The following DSE variants were observed in gnomAD, a reference collection of about 807,000 sequenced individuals.
DSE encodes dermatan-sulfate epimerase.
DSE carries 36 observed loss-of-function variants against 84.4 expected under a neutral mutation model. That is an observed-to-expected ratio of 0.43 (90% CI 0.33 to 0.56). The LOEUF is 0.56. Among genes scored for constraint, DSE ranks in the 20% least tolerant of loss-of-function variants. The pLI, the probability that DSE is intolerant of heterozygous loss-of-function variation, is 0.06. For missense variants in DSE, 862 were observed against 1,169.6 expected, an observed-to-expected ratio of 0.74 and a Z score of 3.84; for synonymous variants, 410 against 430.1, an observed-to-expected ratio of 0.95 and a Z score of 0.58.
chr6:116,369,782 A>G (rs991088099), upstream of DSE: 13 of 570,472 alleles, frequency 2.3e-5, no homozygotes, highest in Non-Finnish European at 3.7e-5. Flanking sequence ...AAAGAGAAGC[A>G]TAAACTGAGA....
At chr6:116,322,129 C>T (rs12214926) in intron 2 of DSE, among the ~76,000 whole-genome samples, 35,681 of 151,944 alleles carry the variant, frequency 0.23, 5,633 homozygotes, top group Non-Finnish European at 0.36. Context: ...GCAGGGGGTA[C>T]GTGACTGGGA....
At chr6:116,261,710 A>C (rs1192453494) in intron 2 of DSE, among the ~76,000 whole-genome samples, 1 of 152,102 alleles carries the variant, frequency 6.6e-6, no homozygotes, top group Non-Finnish European at 1.5e-5. Context: ...GCTTTTGCCT[A>C]TTCATTATGA....
intron 2 of DSE, among the ~76,000 whole-genome samples, chr6:116,304,792 A>G (rs1286227299): frequency 6.6e-6 from 1 of 152,196 alleles, no homozygotes; most frequent in Non-Finnish European, 1.5e-5. Context: ...TCATCTGCCT[A>G]GAATGAAACT....
chr6:116,406,671 T>G (rs945881515), intron 2 of DSE, among the ~76,000 whole-genome samples: 1 of 152,266 alleles, frequency 6.6e-6, no homozygotes, highest in Admixed American at 6.5e-5. Context: ...GTAGTTCCTT[T>G]TACCTTAGGT....
chr6:116,377,287 CT>C (rs1240394218), intron 1 of DSE, among the ~76,000 whole-genome samples: 1 of 152,156 alleles, frequency 6.6e-6, no homozygotes, highest in Non-Finnish European at 1.5e-5. Context: ...TCAGTACTTC[CT>C]AACTTTTAAA....
At chr6:116,419,483 A>C (rs1419754665) in intron 2 of DSE, among the ~76,000 whole-genome samples, 1 of 152,230 alleles carries the variant, frequency 6.6e-6, no homozygotes, top group African/African-American at 2.4e-5. Context: ...TACTGTGTTC[A>C]GGAGACTTTT....
At chr6:116,264,950 G>A (rs1772558174) in intron 2 of DSE, among the ~76,000 whole-genome samples, 1 of 152,124 alleles carries the variant, frequency 6.6e-6, no homozygotes, top group Non-Finnish European at 1.5e-5. Context: ...ACTGTGTTGG[G>A]GGAACTGAGG....
rs771332811 is a variant in DSE, at chr6:116,436,950, C to G, written c.2482C>G (p.Gln828Glu). ...FVDAVPDIFA[Q>E]IEVNEKKIRQ... ...GGATGCTGTCCCTGATATTTTTGCA[C>G]AGATTGAAGTCAATGAGAAAAAGAT... Residue 828 changes from glutamine (Q) to glutamate (E), a missense_variant, in exon 6 of 6, where the codon CAG (glutamine) becomes GAG (glutamate). By Grantham distance (29) the Gln-to-Glu change is conservative. This residue lies in a region of DSE where 315 missense variants were observed against 348.1 expected (regional missense o/e 0.90). Transcript: ENST00000644252. 6.2e-6 allele frequency: 10 copies of G among 1,613,860 alleles called. No homozygotes were observed. Among genetic ancestry groups the G allele is most frequent in the Admixed American group, 3.3e-5 (2 of 59,984 alleles).
At chr6:116,382,757 G>T (rs950527522) in intron 1 of DSE, among the ~76,000 whole-genome samples, 5 of 152,126 alleles carry the variant, frequency 3.3e-5, no homozygotes, top group African/African-American at 1.2e-4. Context: ...GAGTAGGTAT[G>T]CAGCTGTGTG....
At chr6:116,282,344 C>T (rs758548171) in intron 2 of DSE, among the ~76,000 whole-genome samples, 39 of 152,210 alleles carry the variant, frequency 2.6e-4, no homozygotes, top group Middle Eastern at 6.8e-3. Context: ...TTCTATTATT[C>T]CAATATGTCT....
rs1784524013 is a variant in DSE at position 116,444,581 on chromosome 6, A to G, written c.*7236A>G. 2 of 152,210 alleles carry G rather than the reference A, an allele frequency of 1.3e-5. No homozygotes were observed. The allele number at this position is 152,210 out of a possible 1,614,324, so 9.4% of individuals were successfully genotyped here. On this transcript the variant is annotated 3_prime_UTR_variant, in exon 6 of 6. Coordinates refer to ENST00000644252, the MANE Select transcript of DSE (RefSeq NM_013352.4). ...ATGTTTGCCTCCTCTCAAAATTAAT[A>G]TGTTGAAACCTAATCCTTAATGTGA...
intron 1 of DSE, chr6:116,256,239 C>T (rs576128588): frequency 4.6e-5 from 7 of 152,304 alleles, no homozygotes; most frequent in East Asian, 1.9e-4. Context: ...AGTACAGTTA[C>T]GTTTCACTGA....
chr6:116,341,991 A>G (rs903236006), intron 2 of DSE, among the ~76,000 whole-genome samples: 2 of 152,160 alleles, frequency 1.3e-5, no homozygotes, highest in Admixed American at 1.3e-4. Context: ...TTTTGGTTCC[A>G]ATATGTTAAT....
intron 2 of DSE, among the ~76,000 whole-genome samples, chr6:116,322,124 G>C (rs1468171469): frequency 6.6e-6 from 1 of 152,082 alleles, no homozygotes; most frequent in Admixed American, 6.5e-5. Flanking sequence ...AGCAAGCAGG[G>C]GGTACGTGAC....
chr6:116,336,534 T>A (rs922465753), intron 2 of DSE, among the ~76,000 whole-genome samples: 3 of 152,180 alleles, frequency 2.0e-5, no homozygotes, highest in Non-Finnish European at 4.4e-5. Context: ...GGCAGGCGGA[T>A]CAGCCAAGGT....
upstream of DSE, among the ~76,000 whole-genome samples, chr6:116,370,670 G>C (rs1779478217): frequency 6.6e-6 from 1 of 152,202 alleles, no homozygotes; most frequent in Admixed American, 6.5e-5. Flanking sequence ...CCTGGCGGGC[G>C]GGGGTGCGGG....
chr6:116,379,275 C>T (rs1336643009), intron 1 of DSE, among the ~76,000 whole-genome samples: 1 of 152,084 alleles, frequency 6.6e-6, no homozygotes, highest in Non-Finnish European at 1.5e-5. Flanking sequence ...AAGTTAATGT[C>T]TTAGGCATTT....
intron 1 of DSE, among the ~76,000 whole-genome samples, chr6:116,383,931 GT>G (rs1277427980): frequency 2.0e-5 from 3 of 152,008 alleles, no homozygotes; most frequent in Admixed American, 6.6e-5. Context: ...ACCATATTAA[GT>G]TTTTTTTAGC....
At chr6:116,346,733 C>G (rs527658829) in intron 2 of DSE, among the ~76,000 whole-genome samples, 6 of 152,230 alleles carry the variant, frequency 3.9e-5, no homozygotes, top group African/African-American at 7.2e-5. Context: ...CCTCTCTTAC[C>G]ACTCCTATTC....
Sources: allele counts gnomAD v4.1 joint callset (sites outside exome capture counted in the v4.1 genomes callset), GRCh38; gene constraint gnomAD v4.1.1; regional missense constraint gnomAD v4.1.1; transcripts MANE v1.5; gene names NCBI Gene and HGNC (gene_info 2026-07-23, HGNC 2026-07-21).